GPHN: variants seen among roughly 807,000 people sequenced by gnomAD.
GPHN encodes gephyrin.
Under a neutral mutation model 95.5 loss-of-function variants are expected in GPHN, and 17 were observed. That is an observed-to-expected ratio of 0.18 (90% confidence interval 0.12 to 0.27). GPHN has a LOEUF of 0.27. GPHN is among the 10% of genes least tolerant of loss of function. The probability of loss-of-function intolerance (pLI) is 1.00; values close to 1 mark genes in which losing one functional copy is unlikely to be tolerated. For synonymous variants in GPHN, 320 were observed against 322.5 expected (o/e 0.99, Z 0.08); for missense variants, 660 against 978.1 (o/e 0.67, Z 4.34).
intron 4 of GPHN, among the ~76,000 whole-genome samples, chr14:66,841,908 C>T (rs1271410572): frequency 6.6e-6 from 1 of 151,896 alleles, no homozygotes; most frequent in African/African-American, 2.4e-5. Flanking sequence ...AAGAAAAAAG[C>T]CAGACCTGGT....
At chr14:67,365,878 C>A in the GPHN span, among the ~76,000 whole-genome samples, 1 of 151,970 alleles carries the variant, frequency 6.6e-6, no homozygotes, top group Non-Finnish European at 1.5e-5. Flanking sequence ...TTATTATAGC[C>A]TTAGATGATA....
At chr14:66,884,347 AAC>A (rs1327001753) in intron 5 of GPHN, among the ~76,000 whole-genome samples, 4 of 152,024 alleles carry the variant, frequency 2.6e-5, no homozygotes, top group Non-Finnish European at 5.9e-5. Flanking sequence ...GTACTCTATA[AAC>A]AATCGGTAGG....
chr14:67,695,616 A>G, the GPHN span: 3 of 1,606,890 alleles, frequency 1.9e-6, no homozygotes, highest in Non-Finnish European at 2.5e-6. Context: ...AGAAGGCAAT[A>G]CATTTGCACA....
intron 9 of GPHN, among the ~76,000 whole-genome samples, chr14:67,011,206 T>C (rs1322783266): frequency 1.3e-5 from 2 of 152,176 alleles, no homozygotes; most frequent in African/African-American, 4.8e-5. Flanking sequence ...TCTTTTGATA[T>C]ATTTTTAGGA....
chr14:67,193,066 A>ATATATATCCATATATCTATCTATATCTC, the GPHN span, among the ~76,000 whole-genome samples: 48 of 142,170 alleles, frequency 3.4e-4, no homozygotes, highest in African/African-American at 1.2e-3. Flanking sequence ...CTCTATATCT[A>ATATATATCCATATATCTATCTATATCTC]TATATATCCA....
intron 4 of GPHN, among the ~76,000 whole-genome samples, chr14:66,829,410 G>A (rs749198255): frequency 6.6e-6 from 1 of 151,826 alleles, no homozygotes; most frequent in African/African-American, 2.4e-5. Flanking sequence ...TTTCTGGTCC[G>A]ATAAAGGTTG....
chr14:67,572,364 T>G, the GPHN span: 4 of 871,028 alleles, frequency 4.6e-6, no homozygotes, highest in Non-Finnish European at 6.3e-6. Flanking sequence ...AGGCAGTAGC[T>G]GCCTGAAGTG....
chr14:67,054,135 TA>T (rs1431432044), intron 10 of GPHN, among the ~76,000 whole-genome samples: 1 of 152,016 alleles, frequency 6.6e-6, no homozygotes, highest in East Asian at 1.9e-4. Context: ...GAGAAAGAAA[TA>T]AAGCATATTC....
chr14:66,717,143 T>A (rs770288707), intron 2 of GPHN, among the ~76,000 whole-genome samples: 17 of 152,178 alleles, frequency 1.1e-4, no homozygotes, highest in Non-Finnish European at 1.9e-4. Context: ...ATTCTTAGGT[T>A]TGGTCGTTGA....
intron 1 of GPHN, among the ~76,000 whole-genome samples, chr14:66,533,230 A>G (rs147455859): frequency 4.6e-5 from 7 of 152,174 alleles, no homozygotes; most frequent in Non-Finnish European, 1.0e-4. Context: ...TTAATTCAGT[A>G]TCTTGAATAT....
chr14:67,611,581 A>G, the GPHN span, among the ~76,000 whole-genome samples: 1 of 152,022 alleles, frequency 6.6e-6, no homozygotes, highest in Non-Finnish European at 1.5e-5. Context: ...GTACCCTGTA[A>G]TTGTATCACT....
At chr14:66,586,932 A>AAG (rs2061446006) in intron 1 of GPHN, among the ~76,000 whole-genome samples, 1 of 152,182 alleles carries the variant, frequency 6.6e-6, no homozygotes, top group Non-Finnish European at 1.5e-5. Flanking sequence ...TAGAGACTGT[A>AAG]AAACAATAGG....
the GPHN span, among the ~76,000 whole-genome samples, chr14:67,486,412 C>A: frequency 6.6e-6 from 1 of 152,314 alleles, no homozygotes; most frequent in Admixed American, 6.5e-5. Context: ...ATAGCTGGGA[C>A]CACAGGTGCA....
At chr14:67,192,039 C>A in the GPHN span, among the ~76,000 whole-genome samples, 12 of 152,198 alleles carry the variant, frequency 7.9e-5, no homozygotes, top group African/African-American at 2.9e-4. Flanking sequence ...AAGGGATCAG[C>A]TAGTGCTAGA....
At chr14:67,694,159 G>T in the GPHN span, among the ~76,000 whole-genome samples, 1 of 152,066 alleles carries the variant, frequency 6.6e-6, no homozygotes, top group Non-Finnish European at 1.5e-5. Flanking sequence ...CATACTCTTA[G>T]CCATTGAAGC....
chr14:67,045,266 G>A (rs974575948), intron 10 of GPHN, among the ~76,000 whole-genome samples: 3 of 152,154 alleles, frequency 2.0e-5, no homozygotes, highest in Non-Finnish European at 4.4e-5. Context: ...ACAACTACCC[G>A]CAGCCCCTTG....
At chr14:66,883,064 T>A (rs2064006769) in intron 5 of GPHN, among the ~76,000 whole-genome samples, 1 of 151,862 alleles carries the variant, frequency 6.6e-6, no homozygotes, top group East Asian at 1.9e-4. Context: ...ATTATCCTTC[T>A]GGGTTCAGTG....
chr14:66,800,578 GTTTTT>G (rs143537740), intron 3 of GPHN, among the ~76,000 whole-genome samples: 1 of 148,834 alleles, frequency 6.7e-6, no homozygotes, highest in Non-Finnish European at 1.5e-5. Flanking sequence ...GTTATTTGTA[GTTTTT>G]TTTTTATTTT....
chr14:67,056,453 A>G (rs2075570851), intron 10 of GPHN, among the ~76,000 whole-genome samples: 1 of 152,196 alleles, frequency 6.6e-6, no homozygotes, highest in Non-Finnish European at 1.5e-5. Context: ...TCCTTTAGCT[A>G]GACACAGAGT....
Sources: gnomAD v4.1 joint callset for allele counts (sites outside exome capture counted in the v4.1 genomes callset) on GRCh38, gnomAD v4.1.1 for gene constraint, MANE v1.5 for transcripts, NCBI Gene and HGNC (gene_info 2026-07-23, HGNC 2026-07-21) for gene names.